Variants in MVP observed in about 807,000 individuals in gnomAD.
MVP encodes the protein major vault protein.
Under a neutral mutation model 83.5 loss-of-function variants are expected in MVP, and 62 were observed. The observed-to-expected ratio is 0.74, with a 90% CI of 0.61 to 0.92. MVP has a LOEUF of 0.92. MVP is among the 40% of genes least tolerant of loss of function. The pLI is 0.00. For missense variants in MVP, 1,000 were observed against 1,203.4 expected, an observed-to-expected ratio of 0.83 and a Z score of 2.50; for synonymous variants, 505 against 504.1, an observed-to-expected ratio of 1.00 and a Z score of -0.02.
In MVP at chr16:29,835,735, G is replaced by A. The variant is rs780806810; in HGVS notation, c.609G>A (p.Ala203=). ...GEEWLVTTVG[A]YLPAVFEEVL... is the part of the protein sequence containing the mutation. ...AATGGCTGGTCACCACAGTAGGGGC[G>A]TACCTCCCAGCGGTGTTTGAGGAGG... The change falls in exon 6 of 15, where the codon GCG becomes GCA. Residue 203 remains alanine, a synonymous_variant. Coordinates refer to ENST00000357402, the MANE Select transcript of MVP (RefSeq NM_005115.5). The A allele has an allele frequency of 1.5e-5, 24 of 1,613,860 alleles. No individual in the cohort carries two copies. The highest frequency in any genetic ancestry group is 2.2e-5 in the South Asian group (2 of 91,056).
chr16:29,836,710 G>T lies in MVP; in HGVS notation c.673-12G>T. ...GGCAGGTCACTCAAATACCCAACAT[G>T]TTGCTCTGCAGACAGCCCTGCACCT... On this transcript the variant is annotated splice_polypyrimidine_tract_variant and intron_variant, in intron 6 of 14. Coordinates refer to ENST00000357402, the MANE Select transcript of MVP (RefSeq NM_005115.5). 6.5e-7 allele frequency: 1 copy of T among 1,546,354 alleles called. No homozygotes were observed. Among genetic ancestry groups the T allele is most frequent in the Non-Finnish European group, 8.8e-7 (1 of 1,140,888 alleles).
Position 29,834,029 on chromosome 16 carries a change from G to C in MVP, c.540G>C (p.Lys180Asn), listed in dbSNP as rs746785298. The change falls in exon 5 of 15, where the codon AAG (lysine) becomes AAC (asparagine). Residue 180 changes from lysine to asparagine, a missense_variant. Transcript: ENST00000357402. ...QNQALRLRAR[K>N]ECWDRDGKER... ...AGGCTCTGCGGCTCAGGGCCCGCAA[G>C]GAGTGCTGGGACCGGGACGGCAAGG... 1.2e-6 allele frequency: 2 copies of C among 1,613,934 alleles called. No homozygotes were observed. The highest frequency in any genetic ancestry group is 2.7e-5 in the African/African-American group (2 of 74,936).
chr16:29,834,011 G>A lies in MVP; in HGVS notation c.522G>A (p.Leu174=). ...QATIIRQNQA[L]RLRARKECWD... ...CCATCATCAGGCAGAACCAGGCTCT[G>A]CGGCTCAGGGCCCGCAAGGAGTGCT... The change falls in exon 5 of 15, where the codon CTG becomes CTA. Residue 174 remains leucine, a synonymous_variant. Coordinates refer to ENST00000357402, the MANE Select transcript of MVP (RefSeq NM_005115.5). 6.2e-7 allele frequency: 1 copy of A among 1,614,082 alleles called. No homozygotes were observed. The highest frequency in any genetic ancestry group is 1.1e-5 in the South Asian group (1 of 91,054).
At chr16:29,845,405 G>GCTTGGAC (rs777417803) in intron 11 of MVP, among the ~76,000 whole-genome samples, 3 of 151,960 alleles carry the variant, frequency 2.0e-5, no homozygotes, top group Non-Finnish European at 4.4e-5. Context: ...TCAATGCACA[G>GCTTGGAC]CTTGGACCCA....
At chr16:29,824,927 A>G (rs1286354614) in intron 1 of MVP, among the ~76,000 whole-genome samples, 9 of 149,736 alleles carry the variant, frequency 6.0e-5, no homozygotes, top group Non-Finnish European at 1.3e-4. Flanking sequence ...TTCTTTAAAG[A>G]GATGGGGCCT....
chr16:29,828,529 G>A (rs184166751), intron 1 of MVP, among the ~76,000 whole-genome samples: 249 of 152,058 alleles, frequency 1.6e-3, no homozygotes, highest in African/African-American at 5.7e-3. Flanking sequence ...ATAGGTACCC[G>A]CCACCACAAC....
chr16:29,830,805 C>A, intron 2 of MVP, 73 bp from the exon 3 acceptor site: 1 of 1,574,804 alleles, frequency 6.3e-7, no homozygotes, highest in Middle Eastern at 1.7e-4. Context: ...AGAGGTTTCT[C>A]TCTCATTTGG....
intron 6 of MVP, among the ~76,000 whole-genome samples, chr16:29,836,028 G>A (rs555785619): frequency 1.3e-3 from 195 of 152,242 alleles, no homozygotes; most frequent in Middle Eastern, 3.4e-3. Context: ...CAATTTGGAA[G>A]GCTGAGGCAG....
Position 29,833,783 on chromosome 16 carries a change from G to T in MVP, c.372G>T (p.Lys124Asn). 2 of 1,614,084 alleles carry T rather than the reference G, an allele frequency of 1.2e-6. No homozygotes were observed. Among genetic ancestry groups the T allele is most frequent in the Non-Finnish European group, 1.7e-6 (2 of 1,180,024 alleles). ...VVLPNTALHL[K>N]ALLDFEDKDG... ...TGCCCAACACTGCCCTCCATCTAAAGGCGCTGCTTGATTTTGAGGATAAAG... is the reference window on the plus strand; with the variant it reads ...TGCCCAACACTGCCCTCCATCTAAATGCGCTGCTTGATTTTGAGGATAAAG... The change falls in exon 4 of 15, where the codon AAG (lysine) becomes AAT (asparagine). Residue 124 changes from lysine to asparagine, a missense_variant. Physicochemically the swap from Lys to Asn is moderately conservative, Grantham distance 94 (BLOSUM62 0). Coordinates refer to ENST00000357402, the MANE Select transcript of MVP (RefSeq NM_005115.5).
At chr16:29,833,910 T>G (rs2067464559) in intron 4 of MVP, 25 bp from the exon 5 acceptor site, 1 of 1,614,060 alleles carries the variant, frequency 6.2e-7, no homozygotes, top group Admixed American at 1.7e-5. Context: ...CCTGATACCT[T>G]CTGACCATCA....
At chr16:29,843,230 A>T (rs2067548882) in intron 10 of MVP, among the ~76,000 whole-genome samples, 1 of 151,824 alleles carries the variant, frequency 6.6e-6, no homozygotes, top group African/African-American at 2.4e-5. Flanking sequence ...TGTGGCTCAC[A>T]CCTGTGATCC....
At position 29,834,013 on chromosome 16, in the gene MVP, G is replaced by T. The variant is rs370201976; in HGVS notation, c.524G>T (p.Arg175Leu). The change falls in exon 5 of 15, where the codon CGG becomes CTG. Residue 175 changes from arginine to leucine, a missense_variant. Arg to Leu is a moderately radical substitution (Grantham distance 102). Transcript: ENST00000357402. ...ATIIRQNQAL[R>L]LRARKECWDR... is the part of the protein sequence containing the mutation. ...ATCATCAGGCAGAACCAGGCTCTGC[G>T]GCTCAGGGCCCGCAAGGAGTGCTGG... is the stretch of plus-strand genomic sequence containing the variant. The T allele has an allele frequency of 2.1e-5, 34 of 1,614,040 alleles. No individual in the cohort carries two copies. Among genetic ancestry groups the T allele is most frequent in the Non-Finnish European group, 2.7e-5 (32 of 1,179,976 alleles).
chr16:29,822,375 C>G (rs2067369459), intron 1 of MVP, among the ~76,000 whole-genome samples: 1 of 151,814 alleles, frequency 6.6e-6, no homozygotes, highest in South Asian at 2.1e-4. Context: ...TTAATCATCT[C>G]CTAAAGGGGG....
At chr16:29,838,318 C>T (rs1387403193) in intron 7 of MVP, among the ~76,000 whole-genome samples, 1 of 152,000 alleles carries the variant, frequency 6.6e-6, no homozygotes, top group Non-Finnish European at 1.5e-5. Flanking sequence ...CACCTGTAAT[C>T]CCAGCTTCTC....
intron 1 of MVP, among the ~76,000 whole-genome samples, chr16:29,824,211 C>CAAAAAAAA (rs61338952): frequency 2.8e-4 from 11 of 39,664 alleles, no homozygotes; most frequent in South Asian, 1.6e-3. Context: ...AACTCCATCT[C>CAAAAAAAA]AAAAAAAAAA....
intron 3 of MVP, among the ~76,000 whole-genome samples, chr16:29,832,586 C>T (rs375785033): frequency 5.4e-5 from 8 of 147,244 alleles, no homozygotes; most frequent in East Asian, 4.0e-4. Flanking sequence ...CGTGAGCCAC[C>T]GCGCCTGGCC....
intron 10 of MVP, among the ~76,000 whole-genome samples, chr16:29,843,947 G>C (rs2067559194): frequency 6.6e-6 from 1 of 152,218 alleles, no homozygotes; most frequent in Non-Finnish European, 1.5e-5. Context: ...TCTTAGCTGA[G>C]AGCAGCCAGT....
In MVP at chr16:29,830,687, G is replaced by A; in HGVS notation, c.125+13G>A. ...AGGACAATGAGAGGTGGGTGTGGGG[G>A]CTGGGCTGTGGGGGATCCTTGGGGA... On this transcript the variant is annotated intron_variant, in intron 2 of 14. Transcript: ENST00000357402. The A allele has an allele frequency of 6.2e-7, 1 of 1,613,452 alleles. No homozygotes were observed.
chr16:29,837,920 C>CTTCA (rs2067501595), intron 7 of MVP, among the ~76,000 whole-genome samples: 1 of 152,170 alleles, frequency 6.6e-6, no homozygotes, highest in Non-Finnish European at 1.5e-5. Context: ...CCACCCCCTA[C>CTTCA]TTCATCCCCT....
Sources: gnomAD v4.1 joint callset for allele counts (sites outside exome capture counted in the v4.1 genomes callset) on GRCh38, gnomAD v4.1.1 for gene constraint, MANE v1.5 for transcripts, NCBI Gene and HGNC (gene_info 2026-07-23, HGNC 2026-07-21) for gene names.